KCNN3: variants seen among roughly 807,000 people sequenced by gnomAD.
The protein encoded by KCNN3 is small conductance calcium-activated potassium channel protein 3.
Under a neutral mutation model 62.9 loss-of-function variants are expected in KCNN3, and 16 were observed. That is an observed-to-expected ratio of 0.25 (90% CI 0.17 to 0.39). The LOEUF (loss-of-function observed/expected upper bound fraction) is 0.39, where lower values mean the gene tolerates loss of function less well. Among genes scored for constraint, KCNN3 ranks in the 10% least tolerant of loss-of-function variants. The pLI, the probability that KCNN3 is intolerant of heterozygous loss-of-function variation, is 1.00. For missense variants in KCNN3, 599 were observed against 949.4 expected (o/e 0.63, Z 4.85); for synonymous variants, 370 against 389.2 (o/e 0.95, Z 0.58).
At chr1:154,780,194 C>CTTTTTTTTT (rs71077969) in intron 2 of KCNN3, among the ~76,000 whole-genome samples, 1,045 of 101,726 alleles carry the variant, frequency 0.01, no homozygotes, top group East Asian at 0.021. Flanking sequence ...TTCTTTTTTT[C>CTTTTTTTTT]TTTTTTTTTT....
rs182786638 is a variant in KCNN3, at chr1:154,790,787, C to A, written c.1030-18394G>T. Among the ~76,000 whole-genome samples, 179 of 152,298 alleles carry A rather than the reference C, an allele frequency of 1.2e-3. 3 individuals carry two copies. The highest frequency in any genetic ancestry group is 0.011 in the Admixed American group (172 of 15,294). On this transcript the variant is annotated intron_variant, in intron 2 of 7. Coordinates refer to ENST00000271915, the MANE Select transcript of KCNN3 (RefSeq NM_002249.6). Reference sequence around the variant, plus strand: ...TCTCTGTAGGATTCGGTACTATCTGCAGTTTTAGACATCCACCAGGGATCT... The same window carrying A: ...TCTCTGTAGGATTCGGTACTATCTGAAGTTTTAGACATCCACCAGGGATCT...
chr1:154,848,847 C>A (rs1652192006), intron 1 of KCNN3, among the ~76,000 whole-genome samples: 1 of 152,232 alleles, frequency 6.6e-6, no homozygotes, highest in South Asian at 2.1e-4. Context: ...CCGCACTTAG[C>A]ACAGTCTGCC....
intron 7 of KCNN3, among the ~76,000 whole-genome samples, chr1:154,712,830 A>G (rs1432309958): frequency 6.6e-6 from 1 of 152,160 alleles, no homozygotes; most frequent in Non-Finnish European, 1.5e-5. Context: ...TATTTATGGC[A>G]GCTCAGGGCC....
At chr1:154,719,728 G>A (rs1413735819) in intron 5 of KCNN3, among the ~76,000 whole-genome samples, 1 of 152,068 alleles carries the variant, frequency 6.6e-6, no homozygotes, top group African/African-American at 2.4e-5. Context: ...CATTTGCCAA[G>A]CCCACTCTCC....
chr1:154,828,291 C>A (rs1174643839), intron 1 of KCNN3, among the ~76,000 whole-genome samples: 2 of 152,042 alleles, frequency 1.3e-5, no homozygotes, highest in Non-Finnish European at 2.9e-5. Context: ...ACCAAGGCGC[C>A]GAGCACACAT....
intron 2 of KCNN3, 80 bp downstream of exon 2, chr1:154,822,009 T>G: frequency 9.8e-7 from 1 of 1,024,014 alleles, no homozygotes; most frequent in Non-Finnish European, 1.5e-6. Context: ...GGAGTGGGTT[T>G]TGGGGGTGGG....
chr1:154,851,270 C>T (rs1294197639), intron 1 of KCNN3, among the ~76,000 whole-genome samples: 1 of 152,190 alleles, frequency 6.6e-6, no homozygotes, highest in Non-Finnish European at 1.5e-5. Context: ...AGCCACCGTG[C>T]CCGGCCAAAT....
Position 154,759,891 on chromosome 1 carries a change from C to T in KCNN3, c.1448+12084G>A, listed in dbSNP as rs1325936237. ...ATGCAATATGGATTTCACTTTGCAC[C>T]CACAGTCCCAAACTTAGTGCTTCAG... is the stretch of plus-strand genomic sequence containing the variant. On this transcript the variant is annotated intron_variant, in intron 3 of 7. Transcript: ENST00000271915. Among the ~76,000 whole-genome samples the T allele has an allele frequency of 2.0e-5, 3 of 152,110 alleles. 1 individual carries two copies.
chr1:154,865,401 T>A lies in KCNN3; in HGVS notation c.933+3631A>T, dbSNP rs142530292. ...TTTGGTTCAAGGGTCACCTGGTACCTTTAGGAGCCCACTGGGGCCATCTCA... is the reference window on the plus strand; with the variant it reads ...TTTGGTTCAAGGGTCACCTGGTACCATTAGGAGCCCACTGGGGCCATCTCA... On this transcript the variant is annotated intron_variant, in intron 1 of 7. Transcript: ENST00000271915. Among the ~76,000 whole-genome samples the A allele has an allele frequency of 5.9e-4, 89 of 152,010 alleles. 1 individual carries two copies. The highest frequency in any genetic ancestry group is 6.8e-3 in the Middle Eastern group (2 of 292).
At chr1:154,747,575 T>G (rs1183359149) in intron 3 of KCNN3, among the ~76,000 whole-genome samples, 2 of 152,210 alleles carry the variant, frequency 1.3e-5, no homozygotes. Flanking sequence ...CTGATTTGCT[T>G]TCTTCAGTGG....
At chr1:154,735,395 G>A (rs923017401) in intron 3 of KCNN3, among the ~76,000 whole-genome samples, 1 of 152,192 alleles carries the variant, frequency 6.6e-6, no homozygotes, top group Non-Finnish European at 1.5e-5. Context: ...GGACATGGGT[G>A]TCTGGTACTT....
At position 154,697,477 on chromosome 1, in the gene KCNN3, C is replaced by T. The variant is rs1359668618; in HGVS notation, c.*10499G>A. On this transcript the variant is annotated 3_prime_UTR_variant, in exon 8 of 8. Transcript: ENST00000271915. ...GCATTTTTGGTTTTTTGGTTTTAGT[C>T]AGTTCTCTTCTTGTTTTTATTTAAT... 1.3e-5 allele frequency: 2 copies of T among 152,102 alleles called. No homozygotes were observed. Among genetic ancestry groups the T allele is most frequent in the Non-Finnish European group, 2.9e-5 (2 of 68,026 alleles). 9.4% of individuals were successfully genotyped at this position (152,102 alleles called of 1,614,324 possible).
chr1:154,714,524 T>TTGTGTGTGGTGTG (rs1700182265), intron 6 of KCNN3, among the ~76,000 whole-genome samples: 2 of 49,846 alleles, frequency 4.0e-5, no homozygotes, highest in South Asian at 7.1e-4. Flanking sequence ...TGTGTGGTGT[T>TTGTGTGTGGTGTG]TGTGTGTGGT....
intron 1 of KCNN3, among the ~76,000 whole-genome samples, chr1:154,860,560 C>T (rs762321333): frequency 6.6e-5 from 10 of 152,344 alleles, no homozygotes; most frequent in South Asian, 2.1e-4. Context: ...CCCTGCCCTC[C>T]GGAGAACAGC....
At chr1:154,847,426 C>T (rs569864082) in intron 1 of KCNN3, among the ~76,000 whole-genome samples, 11 of 152,334 alleles carry the variant, frequency 7.2e-5, no homozygotes, top group African/African-American at 2.6e-4. Flanking sequence ...GGGGAGTCAC[C>T]AATGACACAA....
At chr1:154,712,058 G>C (rs1350527743) in intron 7 of KCNN3, among the ~76,000 whole-genome samples, 1 of 151,964 alleles carries the variant, frequency 6.6e-6, no homozygotes, top group Admixed American at 6.6e-5. Flanking sequence ...GAGAGACAGG[G>C]AGAGGGAGAG....
chr1:154,788,988 T>C (rs1268660401), intron 2 of KCNN3, among the ~76,000 whole-genome samples: 9 of 152,234 alleles, frequency 5.9e-5, no homozygotes, highest in Admixed American at 5.9e-4. Flanking sequence ...TCATTTCTTA[T>C]TGCTGCTGTA....
chr1:154,762,585 T>C (rs1411370957), intron 3 of KCNN3, among the ~76,000 whole-genome samples: 2 of 152,244 alleles, frequency 1.3e-5, no homozygotes, highest in African/African-American at 2.4e-5. Flanking sequence ...TTGCTGCAAA[T>C]ACTTTTTCTA....
At chr1:154,770,408 C>T (rs936163496) in intron 3 of KCNN3, among the ~76,000 whole-genome samples, 1 of 152,188 alleles carries the variant, frequency 6.6e-6, no homozygotes, top group African/African-American at 2.4e-5. Flanking sequence ...TTCAAGGCAC[C>T]CATGTAGGGT....
Sources: gnomAD v4.1 joint callset for allele counts (sites outside exome capture counted in the v4.1 genomes callset) on GRCh38, gnomAD v4.1.1 for gene constraint, MANE v1.5 for transcripts, NCBI Gene and HGNC (gene_info 2026-07-23, HGNC 2026-07-21) for gene names.